The following TBC1D4 variants were observed in gnomAD, a reference collection of about 807,000 sequenced individuals.
TBC1D4 encodes TBC1 domain family member 4.
TBC1D4 carries 121 observed loss-of-function variants against 142.5 expected under a neutral mutation model. The observed-to-expected ratio is 0.85, with a 90% CI of 0.73 to 0.99. TBC1D4 has a LOEUF of 0.99. TBC1D4 is among the 50% of genes least tolerant of loss of function. The pLI, the probability that TBC1D4 is intolerant of heterozygous loss-of-function variation, is 0.00. For synonymous variants in TBC1D4, 630 were observed against 628.2 expected, an observed-to-expected ratio of 1.00 and a Z score of -0.04; for missense variants, 1,475 against 1,606.6, an observed-to-expected ratio of 0.92 and a Z score of 1.40.
At chr13:75,366,673 C>T (rs901060090) in intron 1 of TBC1D4, among the ~76,000 whole-genome samples, 1 of 70,062 alleles carries the variant, frequency 1.4e-5, no homozygotes, top group Non-Finnish European at 2.7e-5. Context: ...AGCAATTCCT[C>T]ACTCTAGACA....
chr13:75,465,686 G>T (rs1440424831), intron 1 of TBC1D4, among the ~76,000 whole-genome samples: 1 of 152,048 alleles, frequency 6.6e-6, no homozygotes, highest in Non-Finnish European at 1.5e-5. Context: ...GGGTTGGGGG[G>T]CAGGCACACC....
chr13:75,354,373 A>G (rs955631056), intron 4 of TBC1D4, among the ~76,000 whole-genome samples: 1 of 152,224 alleles, frequency 6.6e-6, no homozygotes, highest in Non-Finnish European at 1.5e-5. Context: ...TTAGGACATT[A>G]ACACAAGGGC....
At chr13:75,455,415 GT>G (rs893563665) in intron 1 of TBC1D4, among the ~76,000 whole-genome samples, 14 of 151,978 alleles carry the variant, frequency 9.2e-5, no homozygotes, top group Middle Eastern at 3.4e-3. Flanking sequence ...TAAAATTGGA[GT>G]TTAAAAAAAA....
rs376850688 is a variant in TBC1D4, at chr13:75,389,007, T to A, written c.499-26400A>T. Among the ~76,000 whole-genome samples, 27 of 152,370 alleles carry A rather than the reference T, an allele frequency of 1.8e-4. No individual in the cohort carries two copies. The South Asian group carries it at 5.6e-3, about 32-fold the overall frequency. On this transcript the variant is annotated intron_variant, in intron 1 of 20. Transcript: ENST00000377636. ...TTGTGCATAAAGTGGTTTACTGATA[T>A]CTGCTTCAAATTATTATTTTAAGGA... is the stretch of plus-strand genomic sequence containing the variant.
chr13:75,329,795 G>A (rs1442724030), intron 8 of TBC1D4, among the ~76,000 whole-genome samples: 1 of 152,332 alleles, frequency 6.6e-6, no homozygotes, highest in Non-Finnish European at 1.5e-5. Context: ...GTATATTGTA[G>A]TAGTTAGAAA....
intron 1 of TBC1D4, among the ~76,000 whole-genome samples, chr13:75,436,423 A>G (rs993992677): frequency 1.3e-5 from 2 of 152,166 alleles, no homozygotes; most frequent in Non-Finnish European, 2.9e-5. Context: ...TGGGAGGCCA[A>G]GGCAGCCAGA....
chr13:75,284,641 T>C lies in TBC1D4; in HGVS notation c.*2151A>G, dbSNP rs1440332362. 1.3e-5 allele frequency: 2 copies of C among 152,308 alleles called. No homozygotes were observed. Among genetic ancestry groups the C allele is most frequent in the South Asian group, 2.1e-4 (1 of 4,822 alleles). The allele number at this position is 152,308 out of a possible 1,614,324, so 9.4% of individuals were successfully genotyped here. ...GTAAAAGACTCTAACCAAGAGCTGC[T>C]TCTCTCCCGAAAAGTAACAGTATAC... On this transcript the variant is annotated 3_prime_UTR_variant, in exon 21 of 21. Coordinates refer to ENST00000377636, the MANE Select transcript of TBC1D4 (RefSeq NM_014832.5).
At chr13:75,439,595 A>G (rs1346279169) in intron 1 of TBC1D4, among the ~76,000 whole-genome samples, 1 of 152,152 alleles carries the variant, frequency 6.6e-6, no homozygotes, top group Admixed American at 6.5e-5. Flanking sequence ...CTTTATTTCA[A>G]TGACTAGTTT....
chr13:75,402,366 C>T (rs890289868), intron 1 of TBC1D4, among the ~76,000 whole-genome samples: 2 of 152,018 alleles, frequency 1.3e-5, no homozygotes, highest in East Asian at 1.9e-4. Flanking sequence ...TCTTCTATGC[C>T]GCAACTTAAG....
chr13:75,341,746 T>C (rs533304865), intron 5 of TBC1D4, among the ~76,000 whole-genome samples, 159 bp from the exon 6 acceptor site: 37 of 152,290 alleles, frequency 2.4e-4, no homozygotes, highest in Admixed American at 2.3e-3. Context: ...AATACTACAT[T>C]GAAATGATTA....
At chr13:75,393,867 C>T (rs1385049071) in intron 1 of TBC1D4, among the ~76,000 whole-genome samples, 4 of 149,872 alleles carry the variant, frequency 2.7e-5, no homozygotes, top group Non-Finnish European at 4.4e-5. Context: ...ACGAAGGTTG[C>T]AGTGAGCAGA....
chr13:75,479,596 G>C (rs1888750901), intron 1 of TBC1D4, among the ~76,000 whole-genome samples: 1 of 151,808 alleles, frequency 6.6e-6, no homozygotes, highest in Admixed American at 6.6e-5. Context: ...GATGTCGCTG[G>C]GGGGAAATAA....
intron 1 of TBC1D4, among the ~76,000 whole-genome samples, chr13:75,437,249 G>A (rs142365774): frequency 0.012 from 1,792 of 152,228 alleles, 12 homozygotes; most frequent in Non-Finnish European, 0.02. Context: ...ATGGTAGCAC[G>A]GTGGTTATCT....
chr13:75,478,249 C>A (rs1888698506), intron 1 of TBC1D4, among the ~76,000 whole-genome samples: 2 of 152,166 alleles, frequency 1.3e-5, no homozygotes, highest in African/African-American at 2.4e-5. Flanking sequence ...GCCATGGTGA[C>A]CATATATCTC....
At chr13:75,355,861 T>A (rs1010800213) in intron 4 of TBC1D4, among the ~76,000 whole-genome samples, 1 of 152,192 alleles carries the variant, frequency 6.6e-6, no homozygotes, top group African/African-American at 2.4e-5. Flanking sequence ...ATGAAAAAAG[T>A]AACAGCTTTT....
Position 75,362,064 on chromosome 13 carries a change from G to GA in TBC1D4, c.1041_1042insT (p.Pro348SerfsTer18). On this transcript the variant is annotated frameshift_variant, in exon 2 of 21. Coordinates refer to ENST00000377636, the MANE Select transcript of TBC1D4 (RefSeq NM_014832.5). LOFTEE classifies it high-confidence loss of function. The surrounding 1 kb of genome is among the most constrained non-coding windows in gnomAD (Gnocchi z 4.2). Reference sequence around the variant, plus strand: ...GTCCTGTTCTTCTCCGAGTCCGAGGGCTGGACGTGACTGGGTGCGCTCGCG... The same window carrying GA: ...GTCCTGTTCTTCTCCGAGTCCGAGGGACTGGACGTGACTGGGTGCGCTCGCG... 1 of 1,614,128 alleles carries GA rather than the reference G, an allele frequency of 6.2e-7. No individual in the cohort carries two copies. Among genetic ancestry groups the GA allele is most frequent in the Non-Finnish European group, 8.5e-7 (1 of 1,180,024 alleles).
intron 1 of TBC1D4, among the ~76,000 whole-genome samples, chr13:75,471,963 C>T (rs1041594734): frequency 5.3e-5 from 8 of 151,766 alleles, no homozygotes; most frequent in Non-Finnish European, 2.9e-5. Context: ...AAAAATTTGC[C>T]GGACATGGTG....
At chr13:75,404,051 G>GAT (rs200553778) in intron 1 of TBC1D4, among the ~76,000 whole-genome samples, 35 of 148,996 alleles carry the variant, frequency 2.3e-4, no homozygotes, top group South Asian at 6.4e-4. Flanking sequence ...TTGTAGGGGG[G>GAT]ATATATATAC....
chr13:75,448,790 T>C (rs1402111391), intron 1 of TBC1D4, among the ~76,000 whole-genome samples: 1 of 151,980 alleles, frequency 6.6e-6, no homozygotes, highest in African/African-American at 2.4e-5. Context: ...TAAATCAATA[T>C]ATACAAATAG....
Sources: gnomAD v4.1 joint callset for allele counts (sites outside exome capture counted in the v4.1 genomes callset) on GRCh38, gnomAD v4.1.1 for gene constraint, Gnocchi (gnomAD v3.1) non-coding constraint, MANE v1.5 for transcripts, NCBI Gene and HGNC (gene_info 2026-07-23, HGNC 2026-07-21) for gene names.